GRID1: variants seen among roughly 807,000 people sequenced by gnomAD.
GRID1 encodes the protein glutamate receptor ionotropic, delta-1.
Under a neutral mutation model 98.0 loss-of-function variants are expected in GRID1, and 28 were observed. That is an observed-to-expected ratio of 0.29 (90% confidence interval 0.21 to 0.39). GRID1 has a LOEUF of 0.39. Among genes scored for constraint, GRID1 ranks in the 10% least tolerant of loss-of-function variants. The pLI, the probability that GRID1 is intolerant of heterozygous loss-of-function variation, is 1.00. For synonymous variants in GRID1, 553 were observed against 538.5 expected, an observed-to-expected ratio of 1.03 and a Z score of -0.37; for missense variants, 1,111 against 1,340.5, an observed-to-expected ratio of 0.83 and a Z score of 2.67.
intron 12 of GRID1, among the ~76,000 whole-genome samples, chr10:85,660,263 T>G (rs1012570810): frequency 6.6e-6 from 1 of 152,168 alleles, no homozygotes; most frequent in Non-Finnish European, 1.5e-5. Flanking sequence ...CATGGTCCTG[T>G]TTTTTGTTCT....
intron 4 of GRID1, among the ~76,000 whole-genome samples, chr10:86,108,249 G>A (rs571902221): frequency 2.6e-5 from 4 of 152,262 alleles, no homozygotes; most frequent in East Asian, 1.9e-4. Context: ...CCCTGCGAGG[G>A]GGACAAGAGA....
At chr10:85,926,748 A>G (rs888726073) in intron 4 of GRID1, among the ~76,000 whole-genome samples, 1 of 152,192 alleles carries the variant, frequency 6.6e-6, no homozygotes, top group Non-Finnish European at 1.5e-5. Flanking sequence ...AGTGTGCAGA[A>G]GCCTGGAGGT....
intron 2 of GRID1, among the ~76,000 whole-genome samples, chr10:86,235,969 C>CA (rs1266630677): frequency 6.6e-6 from 1 of 152,192 alleles, no homozygotes; most frequent in Non-Finnish European, 1.5e-5. Context: ...AATAAGCTGT[C>CA]AAACTGTTTT....
At chr10:85,921,485 C>T (rs1248573357) in intron 4 of GRID1, among the ~76,000 whole-genome samples, 1 of 152,208 alleles carries the variant, frequency 6.6e-6, no homozygotes, top group African/African-American at 2.4e-5. Flanking sequence ...TCTGCAGGCC[C>T]ACTGAGGGCC....
intron 4 of GRID1, among the ~76,000 whole-genome samples, chr10:86,086,935 A>G (rs1165355694): frequency 1.3e-5 from 2 of 152,202 alleles, no homozygotes; most frequent in African/African-American, 4.8e-5. Flanking sequence ...AGTTGGCTGA[A>G]CTAATTGCAA....
chr10:85,764,948 C>T (rs1178690214), intron 8 of GRID1, among the ~76,000 whole-genome samples: 2 of 152,088 alleles, frequency 1.3e-5, no homozygotes, highest in African/African-American at 4.8e-5. Flanking sequence ...TTTTTCTTTG[C>T]CCCAAAGAGG....
chr10:86,187,581 A>G (rs185165045), intron 3 of GRID1, among the ~76,000 whole-genome samples: 10 of 152,336 alleles, frequency 6.6e-5, no homozygotes, highest in African/African-American at 2.4e-4. Flanking sequence ...AGGAGCAGCC[A>G]GAGGCTGGGG....
chr10:86,360,169 T>TA (rs111761209), intron 2 of GRID1, among the ~76,000 whole-genome samples: 5,955 of 150,684 alleles, frequency 0.04, 363 homozygotes, highest in African/African-American at 0.13. Flanking sequence ...TTCCCTTTTA[T>TA]AAAAAAAAAA....
At chr10:85,962,819 A>G (rs1589315487) in intron 4 of GRID1, among the ~76,000 whole-genome samples, 2 of 152,146 alleles carry the variant, frequency 1.3e-5, no homozygotes, top group Middle Eastern at 3.4e-3. Flanking sequence ...AACCCTCTAC[A>G]CCCATCCTTA....
At chr10:86,143,425 A>G (rs1845038014) in intron 3 of GRID1, among the ~76,000 whole-genome samples, 1 of 151,854 alleles carries the variant, frequency 6.6e-6, no homozygotes. Flanking sequence ...GCTGCTGCTC[A>G]CACAGAGAGA....
intron 2 of GRID1, among the ~76,000 whole-genome samples, chr10:86,339,754 G>A (rs1248255686): frequency 6.6e-6 from 1 of 152,204 alleles, no homozygotes; most frequent in Non-Finnish European, 1.5e-5. Context: ...CCAGCTCAGA[G>A]GTATTTAGTC....
At chr10:86,066,817 C>G (rs906600631) in intron 4 of GRID1, among the ~76,000 whole-genome samples, 3 of 152,208 alleles carry the variant, frequency 2.0e-5, no homozygotes, top group Non-Finnish European at 2.9e-5. Flanking sequence ...GCCTAGATGT[C>G]ACTGCAGAGT....
chr10:86,080,775 C>T (rs775620714), intron 4 of GRID1, among the ~76,000 whole-genome samples: 6 of 152,066 alleles, frequency 3.9e-5, no homozygotes, highest in Non-Finnish European at 7.4e-5. Context: ...AAGAAATCTC[C>T]ACACAGACGA....
chr10:85,984,587 C>CAAGGAGCCT (rs1268168906), intron 4 of GRID1, among the ~76,000 whole-genome samples: 1 of 152,184 alleles, frequency 6.6e-6, no homozygotes, highest in African/African-American at 2.4e-5. Context: ...AATAGAAGTG[C>CAAGGAGCCT]AAGGAGCCTT....
chr10:85,646,033 A>T (rs1315457703), intron 13 of GRID1: 1 of 152,946 alleles, frequency 6.5e-6, no homozygotes, highest in Non-Finnish European at 1.5e-5. Flanking sequence ...AGCTTGCCCC[A>T]GGCTGTCCTG....
chr10:86,190,216 T>G (rs972924957), intron 3 of GRID1, among the ~76,000 whole-genome samples: 1 of 152,062 alleles, frequency 6.6e-6, no homozygotes, highest in Non-Finnish European at 1.5e-5. Context: ...CCCTCCAGAA[T>G]AAGAAGCTCT....
chr10:85,910,913 C>T (rs1589295812), intron 5 of GRID1, among the ~76,000 whole-genome samples: 1 of 152,110 alleles, frequency 6.6e-6, no homozygotes, highest in Non-Finnish European at 1.5e-5. Context: ...AAGGGAAGTC[C>T]TAGACAATCA....
chr10:86,004,751 C>CACACACAA lies in GRID1; in HGVS notation c.727-88513_727-88512insTTGTGTGT, dbSNP rs1307281340. ...CTACACACACACACTCACACACACA[C>CACACACAA]ACACACAGACTTGATTCTGTTTCTC... On this transcript the variant is annotated intron_variant, in intron 4 of 15. Transcript: ENST00000327946. 8.6e-5 allele frequency among the ~76,000 whole-genome samples: 13 copies of CACACACAA among 151,622 alleles called. 1 individual carries two copies. Among genetic ancestry groups the CACACACAA allele is most frequent in the Admixed American group, 5.9e-4 (9 of 15,232 alleles).
chr10:86,033,979 T>G (rs1389225462), intron 4 of GRID1, among the ~76,000 whole-genome samples: 1 of 152,226 alleles, frequency 6.6e-6, no homozygotes, highest in Admixed American at 6.5e-5. Flanking sequence ...TGTCTACACT[T>G]GGATTCATTG....
Sources: gnomAD v4.1 joint callset for allele counts (sites outside exome capture counted in the v4.1 genomes callset) on GRCh38, gnomAD v4.1.1 for gene constraint, MANE v1.5 for transcripts, NCBI Gene and HGNC (gene_info 2026-07-23, HGNC 2026-07-21) for gene names.